Variants in PPFIBP2 observed in about 807,000 individuals in gnomAD.
The protein encoded by PPFIBP2 is PPFIB scaffold protein 2, also known as liprin-beta-2.
In PPFIBP2, 118 loss-of-function variants were observed where a neutral mutation model predicts 118.3. The observed-to-expected ratio is 1.00, with a 90% CI of 0.86 to 1.16. PPFIBP2 has a LOEUF of 1.16. Among genes scored for constraint, PPFIBP2 ranks in the 50% most tolerant of loss-of-function variants. The probability of loss-of-function intolerance (pLI) is 0.00; values close to 1 mark genes in which losing one functional copy is unlikely to be tolerated. For missense variants in PPFIBP2, 1,195 were observed against 1,073.1 expected, an observed-to-expected ratio of 1.11 and a Z score of -1.59; for synonymous variants, 414 against 397.4, an observed-to-expected ratio of 1.04 and a Z score of -0.50.
At chr11:7,661,040 TTTTC>T (rs1331274589), downstream of PPFIBP2, among the ~76,000 whole-genome samples, 3 of 152,048 alleles carry the variant, frequency 2.0e-5, no homozygotes, top group Non-Finnish European at 1.5e-5. Context: ...TTCTCTCTTT[TTTTC>T]TTTATTAGTT....
At chr11:7,572,539 T>C (rs1486876093) in intron 3 of PPFIBP2, among the ~76,000 whole-genome samples, 3 of 152,178 alleles carry the variant, frequency 2.0e-5, no homozygotes, top group African/African-American at 7.2e-5. Flanking sequence ...CCCACTATAT[T>C]TCCTGCTTCA....
chr11:7,628,139 G>T (rs1850268807), intron 8 of PPFIBP2, 146 bp from the exon 9 acceptor site: 2 of 612,482 alleles, frequency 3.3e-6, no homozygotes, highest in Non-Finnish European at 5.7e-6. Context: ...CGATTCTGTA[G>T]CAGACACCAT....
chr11:7,656,433 T>G (rs1323907461), downstream of PPFIBP2, among the ~76,000 whole-genome samples: 1 of 152,206 alleles, frequency 6.6e-6, no homozygotes, highest in Non-Finnish European at 1.5e-5. Context: ...TTACTCAACG[T>G]TTTTATTTAT....
At position 7,634,565 on chromosome 11, in the gene PPFIBP2, A is replaced by G; in HGVS notation, c.1194+13A>G. ...ATCTGTGGATAAGGTCGGCTCATCA[A>G]CCTATCCTTAAAGATGACTGAGTTA... is the stretch of plus-strand genomic sequence containing the variant. On this transcript the variant is annotated intron_variant, in intron 13 of 23. Coordinates refer to ENST00000299492, the MANE Select transcript of PPFIBP2 (RefSeq NM_003621.5). The G allele has an allele frequency of 1.2e-6, 2 of 1,606,740 alleles. No individual in the cohort carries two copies. The highest frequency in any genetic ancestry group is 8.5e-7 in the Non-Finnish European group (1 of 1,173,294).
At chr11:7,633,814 T>TTA (rs1329078225) in intron 12 of PPFIBP2, among the ~76,000 whole-genome samples, 1 of 152,208 alleles carries the variant, frequency 6.6e-6, no homozygotes, top group Admixed American at 6.5e-5. Flanking sequence ...CTGACCAGAT[T>TTA]TACAAGAGAC....
intron 7 of PPFIBP2, among the ~76,000 whole-genome samples, chr11:7,622,667 A>G (rs1849487956): frequency 6.6e-6 from 1 of 152,214 alleles, no homozygotes; most frequent in Admixed American, 6.5e-5. Flanking sequence ...TTTGGTACCA[A>G]GCCTGGGCAG....
At chr11:7,645,624 G>T (rs1488608561) in intron 17 of PPFIBP2, among the ~76,000 whole-genome samples, 1 of 152,214 alleles carries the variant, frequency 6.6e-6, no homozygotes, top group Admixed American at 6.5e-5. Context: ...AGGAGGTGCA[G>T]AAGCTGGGTC....
chr11:7,580,129 T>TGAGCTCC (rs1038698276), intron 3 of PPFIBP2, among the ~76,000 whole-genome samples: 3 of 152,176 alleles, frequency 2.0e-5, no homozygotes, highest in African/African-American at 4.8e-5. Flanking sequence ...TCTACCCTGA[T>TGAGCTCC]GAGCTCCCAA....
At chr11:7,531,146 G>A (rs894891698) in intron 1 of PPFIBP2, among the ~76,000 whole-genome samples, 3 of 152,164 alleles carry the variant, frequency 2.0e-5, no homozygotes, top group African/African-American at 7.2e-5. Flanking sequence ...GAACACTTGT[G>A]CAAGTGGGGG....
chr11:7,618,022 A>G (rs1162371676), intron 6 of PPFIBP2, among the ~76,000 whole-genome samples: 1 of 152,164 alleles, frequency 6.6e-6, no homozygotes, highest in African/African-American at 2.4e-5. Context: ...GAGGACTTGG[A>G]AGCCCCCCAA....
At chr11:7,519,875 G>A (rs577589315) in intron 1 of PPFIBP2, among the ~76,000 whole-genome samples, 76 of 152,272 alleles carry the variant, frequency 5.0e-4, no homozygotes, top group Admixed American at 2.0e-3. Flanking sequence ...GGCCGAGCAC[G>A]TTTTTCCCTG....
At chr11:7,664,026 C>T in the PPFIBP2 span, among the ~76,000 whole-genome samples, 1 of 152,148 alleles carries the variant, frequency 6.6e-6, no homozygotes, top group Non-Finnish European at 1.5e-5. Context: ...TGCGCGCACC[C>T]ACTGACCTAC....
At chr11:7,558,525 G>T (rs926252057) in intron 2 of PPFIBP2, among the ~76,000 whole-genome samples, 2 of 152,194 alleles carry the variant, frequency 1.3e-5, no homozygotes, top group Non-Finnish European at 2.9e-5. Context: ...GGAGGCTGAG[G>T]CAGGCAGATC....
At chr11:7,629,850 A>G (rs1424157608) in intron 10 of PPFIBP2, among the ~76,000 whole-genome samples, 1 of 152,244 alleles carries the variant, frequency 6.6e-6, no homozygotes, top group African/African-American at 2.4e-5. Context: ...CAGCAAGTGC[A>G]GTTAAACCTG....
chr11:7,590,998 T>C (rs535871635), intron 3 of PPFIBP2, among the ~76,000 whole-genome samples: 1 of 152,326 alleles, frequency 6.6e-6, no homozygotes, highest in South Asian at 2.1e-4. Context: ...GCCTCTCTTT[T>C]TTTACTGGCT....
intron 11 of PPFIBP2, 147 bp from the exon 12 acceptor site, chr11:7,632,720 G>A (rs542707144): frequency 4.8e-6 from 3 of 619,306 alleles, no homozygotes; most frequent in Non-Finnish European, 8.8e-6. Context: ...TCTTGAAAGA[G>A]CAAGGCATCT....
At chr11:7,645,853 T>G (rs1217602861) in intron 17 of PPFIBP2, among the ~76,000 whole-genome samples, 1 of 152,086 alleles carries the variant, frequency 6.6e-6, no homozygotes, top group African/African-American at 2.4e-5. Context: ...GTTAAAAAAT[T>G]TAAAAAAGAA....
intron 5 of PPFIBP2, 125 bp from the exon 6 acceptor site, chr11:7,610,166 T>G: frequency 1.6e-6 from 2 of 1,238,952 alleles, no homozygotes. Flanking sequence ...GACTCTCATG[T>G]AGCAGTCTCA....
intron 11 of PPFIBP2, among the ~76,000 whole-genome samples, chr11:7,631,405 A>G (rs545871725): frequency 7.0e-4 from 107 of 152,298 alleles, no homozygotes; most frequent in African/African-American, 2.5e-3. Flanking sequence ...GAATTCAACA[A>G]ATATTTGTTG....
Sources: gnomAD v4.1 joint callset for allele counts (sites outside exome capture counted in the v4.1 genomes callset) on GRCh38, gnomAD v4.1.1 for gene constraint, MANE v1.5 for transcripts, NCBI Gene and HGNC (gene_info 2026-07-23, HGNC 2026-07-21) for gene names.